ZNF593OS: variants seen among roughly 807,000 people sequenced by gnomAD.
The protein encoded by ZNF593OS is transmembrane protein ZNF593OS.
chr1:26,169,952 T>C (rs1468754162), downstream of ZNF593OS: 2 of 1,519,374 alleles, frequency 1.3e-6, no homozygotes, highest in Middle Eastern at 1.8e-4. Context: ...GCCCTGCTCC[T>C]GGCCCCTTGG....
At chr1:26,169,961 G>A (rs756821693), downstream of ZNF593OS, 11 of 1,525,696 alleles carry the variant, frequency 7.2e-6, no homozygotes, top group Non-Finnish European at 9.6e-6. Context: ...CTGGCCCCTT[G>A]GCCGGCCGGG....
In ZNF593OS at chr1:26,171,651, C is replaced by T. The variant is rs1474246257; in HGVS notation, c.11G>A (p.Arg4Gln). 37 of 398,606 alleles carry T rather than the reference C, an allele frequency of 9.3e-5. No homozygotes were observed. The East Asian group carries it at 1.1e-3, about 12-fold the overall frequency. The allele number at this position is 398,606 out of a possible 1,614,324, so 24.7% of individuals were successfully genotyped here. Residue 4 changes from arginine to glutamine, a missense_variant, in exon 1 of 2, where the codon CGA becomes CAA. Coordinates refer to ENST00000648649, the Ensembl canonical transcript of ZNF593OS. This position sits in a 1 kb window ranked among gnomAD's most constrained non-coding sequence, Gnocchi z 5.5. ...CCGGAAGTAACCAGGGGTCAAGCGTCGAAATCGCATGGTGGGCGGCACTGG... is the reference window on the plus strand; with the variant it reads ...CCGGAAGTAACCAGGGGTCAAGCGTTGAAATCGCATGGTGGGCGGCACTGG...
downstream of ZNF593OS, chr1:26,170,353 A>T: frequency 6.4e-7 from 1 of 1,565,820 alleles, no homozygotes; most frequent in South Asian, 1.2e-5. Flanking sequence ...AGCTAGGGCT[A>T]GGGAGATAGG....
chr1:26,170,875 T>G, exon 2 of ZNF593OS: 1 of 938,104 alleles, frequency 1.1e-6, no homozygotes, highest in Non-Finnish European at 1.5e-6. Flanking sequence ...CAAAGAGAAC[T>G]TGCCTCCAAC....
Position 26,171,469 on chromosome 1 carries a change from C to G in ZNF593OS, c.46-134G>C, listed in dbSNP as rs2088496985. The stretch of plus-strand genomic sequence containing the variant: ...GGTCCTGCCCCAGGGAGATTCCACC[C>G]CAATCCCTTTCGCCTCACTGCCCAT... On this transcript the variant is annotated intron_variant, in intron 1 of 1. Transcript: ENST00000648649. This position sits in a 1 kb window ranked among gnomAD's most constrained non-coding sequence, Gnocchi z 5.5. The G allele has an allele frequency of 2.5e-6, 1 of 398,606 alleles. No homozygotes were observed. The highest frequency in any genetic ancestry group is 1.3e-4 in the South Asian group (1 of 7,648). 24.7% of individuals were successfully genotyped at this position (398,606 alleles called of 1,614,324 possible). A position where few individuals can be genotyped will look rare whatever the true frequency, so the allele number is the denominator to read the frequency against.
At chr1:26,169,987 GGTCGCTCCCGCCGGACA>G (rs1263946110), downstream of ZNF593OS, 1 of 1,543,980 alleles carries the variant, frequency 6.5e-7, no homozygotes, top group Non-Finnish European at 8.7e-7. Context: ...TCTGGCCATG[GGTCGCTCCCGCCGGACA>G]GGCGCGCACC....
In ZNF593OS at chr1:26,170,867, A is replaced by G. The variant is rs1332479988; in HGVS notation, c.*322T>C. 9 of 1,003,206 alleles carry G rather than the reference A, an allele frequency of 9.0e-6. 1 individual carries two copies. The Admixed American group carries it at 2.0e-4, about 22-fold the overall frequency. 62.1% of individuals were successfully genotyped at this position (1,003,206 alleles called of 1,614,324 possible). A position where few individuals can be genotyped will look rare whatever the true frequency, so the allele number is the denominator to read the frequency against. On this transcript the variant is annotated 3_prime_UTR_variant, in exon 2 of 2. Coordinates refer to ENST00000648649, the Ensembl canonical transcript of ZNF593OS. ...CTGCCCCAAATAAAGGAACTGGACA[A>G]AGAGAACTTGCCTCCAACTCTAACT...
downstream of ZNF593OS, chr1:26,169,752 A>G (rs2088464283): frequency 3.8e-6 from 2 of 530,726 alleles, no homozygotes; most frequent in Non-Finnish European, 6.5e-6. Context: ...CCGCGGGGCC[A>G]TGCCCTTCAG....
At chr1:26,170,713 C>A (rs781544998) in exon 2 of ZNF593OS, 3 of 1,603,466 alleles carry the variant, frequency 1.9e-6, no homozygotes. Context: ...ATACCTCTAC[C>A]TGACATGGCC....
chr1:26,170,169 C>T (rs1302774971), downstream of ZNF593OS: 4 of 1,570,946 alleles, frequency 2.5e-6, no homozygotes, highest in Non-Finnish European at 3.4e-6. Context: ...GTCTGCACCG[C>T]TGTCTGGCCT....
chr1:26,169,897 C>A, downstream of ZNF593OS: 1 of 1,359,632 alleles, frequency 7.4e-7, no homozygotes, highest in Non-Finnish European at 9.6e-7. Context: ...CCGGCGTGGC[C>A]TGACGTAGCT....
In ZNF593OS at chr1:26,170,643, A is replaced by G. The variant is rs775104543; in HGVS notation, c.*546T>C. 1.4e-5 allele frequency: 22 copies of G among 1,612,750 alleles called. 1 individual carries two copies. In the East Asian group the frequency reaches 3.3e-4, roughly 25 times the overall value. ...GAGAGGGCAGCGGGTATGGGATCCT[A>G]TGTGCCCCCCAGGCGGCTGGCAGTG... On this transcript the variant is annotated 3_prime_UTR_variant, in exon 2 of 2. Coordinates refer to ENST00000648649, the Ensembl canonical transcript of ZNF593OS.
exon 2 of ZNF593OS, chr1:26,170,555 CCT>C (rs1445944971): frequency 2.5e-6 from 4 of 1,613,882 alleles, no homozygotes; most frequent in Non-Finnish European, 3.4e-6. Context: ...GCTCCCAACT[CCT>C]GTTTTTCTTT....
At chr1:26,169,995 CCG>C, downstream of ZNF593OS, 1 of 1,548,462 alleles carries the variant, frequency 6.5e-7, no homozygotes, top group Non-Finnish European at 8.7e-7. Context: ...TGGGTCGCTC[CCG>C]CCGGACAGGC....
chr1:26,170,647 G>GC (rs972983698), exon 2 of ZNF593OS: 8 of 1,612,562 alleles, frequency 5.0e-6, no homozygotes, highest in Admixed American at 1.7e-5. Context: ...GATCCTATGT[G>GC]CCCCCCAGGC....
At chr1:26,170,222 T>A, downstream of ZNF593OS, 1 of 1,580,478 alleles carries the variant, frequency 6.3e-7, no homozygotes, top group Non-Finnish European at 8.6e-7. Context: ...CGGAGGAGGG[T>A]CCGCGGTACC....
chr1:26,169,624 A>C, downstream of ZNF593OS: 4 of 301,248 alleles, frequency 1.3e-5, no homozygotes, highest in Non-Finnish European at 2.4e-5. Context: ...ACAGGAAGGG[A>C]TGACAGGAGT....
In ZNF593OS at chr1:26,171,519, G is replaced by A. The variant is rs1260572958; in HGVS notation, c.45+98C>T. 3 of 398,522 alleles carry A rather than the reference G, an allele frequency of 7.5e-6. No individual in the cohort carries two copies. The highest frequency in any genetic ancestry group is 1.3e-5 in the Non-Finnish European group (3 of 226,156). 24.7% of individuals were successfully genotyped at this position (398,522 alleles called of 1,614,324 possible). A position where few individuals can be genotyped will look rare whatever the true frequency, so the allele number is the denominator to read the frequency against. On this transcript the variant is annotated intron_variant, in intron 1 of 1. Transcript: ENST00000648649. The surrounding 1 kb of genome is among the most constrained non-coding windows in gnomAD (Gnocchi z 5.5). ...TCTGGGCCTGCCTGCTCAGGCGGCA[G>A]GGAACGTGACAGCCTGGCTGTTGGG...
downstream of ZNF593OS, chr1:26,170,009 C>G (rs1237419700): frequency 6.4e-7 from 1 of 1,557,282 alleles, no homozygotes; most frequent in Non-Finnish European, 8.7e-7. Flanking sequence ...CGGACAGGCG[C>G]GCACCGAGCG....
Sources: allele counts gnomAD v4.1 joint callset, GRCh38; gene constraint gnomAD v4.1.1; non-coding constraint Gnocchi (gnomAD v3.1); transcripts MANE v1.5; gene names NCBI Gene and HGNC (gene_info 2026-07-23, HGNC 2026-07-21).